The following SRRM4 variants were observed in gnomAD, a reference collection of about 807,000 sequenced individuals.
SRRM4 encodes the protein serine/arginine repetitive matrix protein 4.
SRRM4 carries 33 observed loss-of-function variants against 68.9 expected under a neutral mutation model. The ratio of observed to expected loss-of-function variants is 0.48; its 90% CI spans 0.36 to 0.64. The LOEUF is 0.64. SRRM4 is among the 30% of genes least tolerant of loss of function. SRRM4 has a pLI of 0.00. For missense variants in SRRM4, 817 were observed against 827.1 expected (o/e 0.99, Z 0.15); for synonymous variants, 318 against 318.8 (o/e 1.00, Z 0.03).
At position 119,151,094 on chromosome 12, in the gene SRRM4, C is replaced by T; in HGVS notation, c.1154C>T (p.Pro385Leu). 1 of 1,613,950 alleles carries T rather than the reference C, an allele frequency of 6.2e-7. No individual in the cohort carries two copies. Among genetic ancestry groups the T allele is most frequent in the Non-Finnish European group, 8.5e-7 (1 of 1,179,872 alleles). Residue 385 changes from proline to leucine, a missense_variant, in exon 10 of 13, where the codon CCC becomes CTC. Pro to Leu is a moderately conservative substitution (Grantham distance 98). Coordinates refer to ENST00000267260, the MANE Select transcript of SRRM4 (RefSeq NM_194286.4). The stretch of plus-strand genomic sequence containing the variant: ...GTCCCATCCACAGCCCGGAGCTCAC[C>T]CATGAAAGGGTGTTCCCGCAGCTCC... Reference protein sequence around the residue: ...SLVPSTARSSPMKGCSRSSSY... With the variant: ...SLVPSTARSSLMKGCSRSSSY...
intron 8 of SRRM4, among the ~76,000 whole-genome samples, chr12:119,134,845 A>G (rs142216616): frequency 0.013 from 2,013 of 152,298 alleles, 41 homozygotes; most frequent in African/African-American, 0.045. Flanking sequence ...GATGTCTGAG[A>G]AGGCTTTACC....
At chr12:119,083,377 T>C (rs1282653478) in intron 1 of SRRM4, among the ~76,000 whole-genome samples, 2 of 152,098 alleles carry the variant, frequency 1.3e-5, no homozygotes, top group Non-Finnish European at 2.9e-5. Flanking sequence ...CCCTGATTTC[T>C]GCCATACACA....
In SRRM4 at chr12:119,019,469, C is replaced by G. The variant is rs547523722; in HGVS notation, c.131+37456C>G. ...TTGAATTCCCCCCCTCAAGCATTTC[C>G]CCTCCACCCACTCACTCCAGCTGTG... is the stretch of plus-strand genomic sequence containing the variant. On this transcript the variant is annotated intron_variant, in intron 1 of 12. Transcript: ENST00000267260. Among the ~76,000 whole-genome samples, 151 of 152,176 alleles carry G rather than the reference C, an allele frequency of 9.9e-4. 2 individuals are homozygous for G. The highest frequency in any genetic ancestry group is 3.4e-3 in the Middle Eastern group (1 of 294).
At chr12:119,042,313 T>G (rs1953674956) in intron 1 of SRRM4, among the ~76,000 whole-genome samples, 1 of 150,506 alleles carries the variant, frequency 6.6e-6, no homozygotes, top group African/African-American at 2.4e-5. Flanking sequence ...GGTCAGAGGG[T>G]GGGCAAGAAA....
intron 2 of SRRM4, among the ~76,000 whole-genome samples, chr12:119,109,052 A>G (rs557615932): frequency 1.3e-5 from 2 of 152,256 alleles, no homozygotes; most frequent in South Asian, 4.1e-4. Context: ...GCTTGTCTGT[A>G]AAGGATTTTA....
intron 1 of SRRM4, among the ~76,000 whole-genome samples, chr12:119,002,387 T>A (rs1386390583): frequency 2.0e-5 from 3 of 152,090 alleles, no homozygotes; most frequent in Non-Finnish European, 4.4e-5. Flanking sequence ...GCTAGGCACT[T>A]GGTATATGAA....
At chr12:119,079,234 G>A (rs1463262894) in intron 1 of SRRM4, among the ~76,000 whole-genome samples, 1 of 152,194 alleles carries the variant, frequency 6.6e-6, no homozygotes, top group East Asian at 1.9e-4. Context: ...TACAGAAGGA[G>A]GAAACAAGAA....
At chr12:119,065,537 C>G (rs371824734) in intron 1 of SRRM4, among the ~76,000 whole-genome samples, 3 of 152,274 alleles carry the variant, frequency 2.0e-5, no homozygotes, top group East Asian at 1.9e-4. Flanking sequence ...GCATTTGAGA[C>G]CAGCCTGGCC....
intron 1 of SRRM4, among the ~76,000 whole-genome samples, chr12:119,011,798 T>C (rs1189996984): frequency 6.6e-6 from 1 of 152,006 alleles, no homozygotes; most frequent in Admixed American, 6.6e-5. Flanking sequence ...CATTGCCGAG[T>C]GTCAGTTGTG....
intron 7 of SRRM4, among the ~76,000 whole-genome samples, chr12:119,127,156 A>T (rs989584493): frequency 4.0e-5 from 6 of 151,618 alleles, no homozygotes; most frequent in African/African-American, 1.5e-4. Flanking sequence ...ACATGTATAC[A>T]TATGTAACTA....
intron 1 of SRRM4, among the ~76,000 whole-genome samples, chr12:119,053,791 T>G (rs563924663): frequency 5.3e-5 from 8 of 152,290 alleles, no homozygotes; most frequent in Non-Finnish European, 1.2e-4. Flanking sequence ...AGTATATGTT[T>G]ATGAGATATT....
intron 7 of SRRM4, among the ~76,000 whole-genome samples, chr12:119,126,126 C>A (rs1056066354): frequency 7.1e-6 from 1 of 140,666 alleles, no homozygotes. Flanking sequence ...TGGGTTCAAG[C>A]GATTCTCCTG....
At position 119,003,269 on chromosome 12, in the gene SRRM4, C is replaced by T. The variant is rs570880493; in HGVS notation, c.131+21256C>T. ...GGACTGTGCTCTCTCTACCCCCTCC[C>T]CATCCCCCGCCACCAGCGTCATCCA... On this transcript the variant is annotated intron_variant, in intron 1 of 12. Transcript: ENST00000267260. 5.1e-4 allele frequency among the ~76,000 whole-genome samples: 78 copies of T among 151,850 alleles called. No homozygotes were observed. The South Asian group carries it at 0.016, about 31-fold the overall frequency.
At chr12:119,124,456 A>G (rs1373781805) in intron 6 of SRRM4, 1 of 152,212 alleles carries the variant, frequency 6.6e-6, no homozygotes, top group Non-Finnish European at 1.5e-5. Context: ...AGAATCCCTG[A>G]GTCCTTTGTT....
In SRRM4 at chr12:119,154,302, G is replaced by A. The variant is rs755901947; in HGVS notation, c.1451G>A (p.Arg484His). The change falls in exon 12 of 13, where the codon CGT becomes CAT. Residue 484 changes from arginine (R) to histidine (H), a missense_variant. Physicochemically the swap from Arg to His is conservative, Grantham distance 29 (BLOSUM62 0). Transcript: ENST00000267260. This position sits in a 1 kb window ranked among gnomAD's most constrained non-coding sequence, Gnocchi z 4.7. ...DSQQRERERA[R>H]RRRRSYSPMR... ...CAGCAGCGGGAGCGCGAGCGAGCGC[G>A]TCGGAGACGTCGGTCCTACTCGCCT... is the stretch of plus-strand genomic sequence containing the variant. The A allele has an allele frequency of 3.7e-6, 6 of 1,611,948 alleles. No individual in the cohort carries two copies. In the African/African-American group the frequency reaches 4.0e-5, roughly 11 times the overall value.
At chr12:119,047,554 A>G (rs1426730037) in intron 1 of SRRM4, among the ~76,000 whole-genome samples, 2 of 152,146 alleles carry the variant, frequency 1.3e-5, no homozygotes, top group African/African-American at 4.8e-5. Flanking sequence ...CTCATAGTTA[A>G]GCTCGCATTT....
At chr12:118,991,468 A>C (rs1352155206) in intron 1 of SRRM4, among the ~76,000 whole-genome samples, 1 of 152,204 alleles carries the variant, frequency 6.6e-6, no homozygotes, top group Non-Finnish European at 1.5e-5. Context: ...ATTTGTAATT[A>C]TATATGGATT....
At chr12:119,080,565 T>C (rs1953941744) in intron 1 of SRRM4, among the ~76,000 whole-genome samples, 1 of 152,186 alleles carries the variant, frequency 6.6e-6, no homozygotes, top group Non-Finnish European at 1.5e-5. Flanking sequence ...CTCACACTCA[T>C]GTGTGTCATC....
Position 119,160,104 on chromosome 12 carries a change from T to G in SRRM4, c.*3306T>G, listed in dbSNP as rs1423388969. 1 of 152,268 alleles carries G rather than the reference T, an allele frequency of 6.6e-6. No individual in the cohort carries two copies. The highest frequency in any genetic ancestry group is 2.4e-5 in the African/African-American group (1 of 41,458). 9.4% of individuals were successfully genotyped at this position (152,268 alleles called of 1,614,324 possible). A position where few individuals can be genotyped will look rare whatever the true frequency, so the allele number is the denominator to read the frequency against. ...AATTGCCAGCTTGTCTGGTCCAGCT[T>G]TGGGTTTGGTGAGACTTTTGCAACA... On this transcript the variant is annotated 3_prime_UTR_variant, in exon 13 of 13. Transcript: ENST00000267260.
Sources: gnomAD v4.1 joint callset for allele counts (sites outside exome capture counted in the v4.1 genomes callset) on GRCh38, gnomAD v4.1.1 for gene constraint, Gnocchi (gnomAD v3.1) non-coding constraint, MANE v1.5 for transcripts, NCBI Gene and HGNC (gene_info 2026-07-23, HGNC 2026-07-21) for gene names.